The following SEMA6D variants were observed in gnomAD, a reference collection of about 807,000 sequenced individuals.
SEMA6D encodes the protein semaphorin 6D, also known as semaphorin-6D.
Under a neutral mutation model 106.6 loss-of-function variants are expected in SEMA6D, and 35 were observed. The observed-to-expected ratio is 0.33, with a 90% CI of 0.25 to 0.44. The LOEUF is 0.44. Ranked by LOEUF, SEMA6D falls within the 20% of genes least tolerant of loss-of-function variation. The probability of loss-of-function intolerance (pLI) is 1.00; values close to 1 mark genes in which losing one functional copy is unlikely to be tolerated. For missense variants in SEMA6D, 1,185 were observed against 1,345.9 expected (o/e 0.88, Z 1.87); for synonymous variants, 499 against 487.7 (o/e 1.02, Z -0.31).
At chr15:47,708,485 C>A (rs920336214) in intron 4 of SEMA6D, among the ~76,000 whole-genome samples, 4 of 152,216 alleles carry the variant, frequency 2.6e-5, no homozygotes, top group African/African-American at 9.7e-5. Flanking sequence ...TTCCCCTTGT[C>A]CTATACATCC....
chr15:47,623,682 A>G (rs539288272), intron 4 of SEMA6D, among the ~76,000 whole-genome samples: 3 of 152,180 alleles, frequency 2.0e-5, no homozygotes, highest in African/African-American at 4.8e-5. Context: ...TACGGATGTT[A>G]TGTATCTTCT....
At chr15:47,766,947 T>C in intron 16 of SEMA6D, 90 bp from the exon 17 acceptor site, 1 of 734,662 alleles carries the variant, frequency 1.4e-6, no homozygotes. Context: ...AGTCTTTTTT[T>C]TTTTTACTTT....
At chr15:47,242,763 A>T (rs1001426545) in intron 1 of SEMA6D, among the ~76,000 whole-genome samples, 2 of 152,166 alleles carry the variant, frequency 1.3e-5, no homozygotes, top group Non-Finnish European at 2.9e-5. Flanking sequence ...ACCCCTGATC[A>T]TTATACAAAA....
At chr15:47,643,075 C>G (rs2077518849) in intron 4 of SEMA6D, among the ~76,000 whole-genome samples, 1 of 152,080 alleles carries the variant, frequency 6.6e-6, no homozygotes, top group Non-Finnish European at 1.5e-5. Context: ...CACAATTCAG[C>G]TACAGCAAGG....
chr15:47,446,676 C>A (rs763558070), intron 2 of SEMA6D, among the ~76,000 whole-genome samples: 2 of 151,974 alleles, frequency 1.3e-5, no homozygotes, highest in Non-Finnish European at 2.9e-5. Context: ...AATAAATCTA[C>A]CATGTTTGTT....
intron 4 of SEMA6D, among the ~76,000 whole-genome samples, chr15:47,689,657 A>G (rs2078543226): frequency 6.6e-6 from 1 of 152,208 alleles, no homozygotes; most frequent in Non-Finnish European, 1.5e-5. Flanking sequence ...GGCTCTAACA[A>G]GGAGAGAGAC....
chr15:47,388,249 A>T (rs1331454549), intron 1 of SEMA6D, among the ~76,000 whole-genome samples: 1 of 152,188 alleles, frequency 6.6e-6, no homozygotes, highest in African/African-American at 2.4e-5. Context: ...AGTTGTTTTT[A>T]TATTGATATT....
chr15:47,716,669 T>C (rs1453856369), upstream of SEMA6D, among the ~76,000 whole-genome samples: 1 of 152,146 alleles, frequency 6.6e-6, no homozygotes, highest in Non-Finnish European at 1.5e-5. Flanking sequence ...ATGTGACTTT[T>C]TTTTTCCTTT....
At chr15:47,395,710 C>T (rs1196817716) in intron 1 of SEMA6D, 1 of 152,198 alleles carries the variant, frequency 6.6e-6, no homozygotes, top group Admixed American at 6.5e-5. Context: ...AGACCAAATG[C>T]TGATATTCAA....
At chr15:47,333,463 C>A (rs1309173581) in intron 1 of SEMA6D, among the ~76,000 whole-genome samples, 1 of 152,052 alleles carries the variant, frequency 6.6e-6, no homozygotes, top group Non-Finnish European at 1.5e-5. Flanking sequence ...ATACAAAACA[C>A]CCCACTGTCC....
chr15:47,360,584 T>C (rs191391046), intron 1 of SEMA6D, among the ~76,000 whole-genome samples: 1 of 152,224 alleles, frequency 6.6e-6, no homozygotes, highest in Admixed American at 6.5e-5. Flanking sequence ...AGGCATAAGG[T>C]GAGAAAATTG....
At chr15:47,609,543 A>G (rs1230773585) in intron 4 of SEMA6D, among the ~76,000 whole-genome samples, 2 of 152,212 alleles carry the variant, frequency 1.3e-5, no homozygotes, top group Non-Finnish European at 2.9e-5. Context: ...TTGAAGGTAC[A>G]TATACGCAGG....
chr15:47,333,114 G>A (rs912305940), intron 1 of SEMA6D, among the ~76,000 whole-genome samples: 5 of 152,142 alleles, frequency 3.3e-5, no homozygotes, highest in Admixed American at 6.6e-5. Context: ...ATTTGTGAGC[G>A]AGGTGAAAGA....
intron 1 of SEMA6D, among the ~76,000 whole-genome samples, chr15:47,235,344 C>A (rs1007935017): frequency 6.6e-6 from 1 of 151,600 alleles, no homozygotes; most frequent in Non-Finnish European, 1.5e-5. Context: ...TTAATTAGGT[C>A]CCATCAATTT....
chr15:47,593,973 T>C (rs141242898), intron 3 of SEMA6D, among the ~76,000 whole-genome samples: 2 of 152,276 alleles, frequency 1.3e-5, no homozygotes, highest in African/African-American at 2.4e-5. Context: ...ATCTCCAACA[T>C]TGGGGATTAC....
At chr15:47,241,055 A>G (rs753188989) in intron 1 of SEMA6D, among the ~76,000 whole-genome samples, 1 of 152,186 alleles carries the variant, frequency 6.6e-6, no homozygotes, top group Non-Finnish European at 1.5e-5. Context: ...TGAGAGCTTC[A>G]TCTATCTCCT....
intron 4 of SEMA6D, among the ~76,000 whole-genome samples, chr15:47,664,054 G>C (rs1013049403): frequency 2.6e-5 from 4 of 152,178 alleles, no homozygotes; most frequent in African/African-American, 9.7e-5. Context: ...ATCAGTGTTA[G>C]AACAAATCTG....
chr15:47,515,737 A>G (rs2044367101), intron 3 of SEMA6D, among the ~76,000 whole-genome samples: 1 of 152,218 alleles, frequency 6.6e-6, no homozygotes, highest in East Asian at 1.9e-4. Flanking sequence ...TTCTTAAAAT[A>G]TGATCTGGCA....
intron 3 of SEMA6D, among the ~76,000 whole-genome samples, chr15:47,587,314 TTG>T (rs949097800): frequency 1.6e-4 from 25 of 152,316 alleles, no homozygotes; most frequent in African/African-American, 6.0e-4. Context: ...GTCCCTTGTC[TTG>T]TGTGCCCTGG....
Sources: allele counts gnomAD v4.1 joint callset (sites outside exome capture counted in the v4.1 genomes callset), GRCh38; gene constraint gnomAD v4.1.1; transcripts MANE v1.5; gene names NCBI Gene and HGNC (gene_info 2026-07-23, HGNC 2026-07-21).